FARS2: variants seen among roughly 807,000 people sequenced by gnomAD.
FARS2 encodes the protein phenylalanine--tRNA ligase, mitochondrial.
Under a neutral mutation model 46.4 loss-of-function variants are expected in FARS2, and 40 were observed. The ratio of observed to expected loss-of-function variants is 0.86; its 90% CI spans 0.67 to 1.12. The LOEUF (loss-of-function observed/expected upper bound fraction) is 1.12. Ranked by LOEUF, FARS2 falls within the 50% of genes most tolerant of loss-of-function variation. The probability of loss-of-function intolerance (pLI) is 0.00; values close to 1 mark genes in which losing one functional copy is unlikely to be tolerated. For missense variants in FARS2, 513 were observed against 567.9 expected, an observed-to-expected ratio of 0.90 and a Z score of 0.98; for synonymous variants, 234 against 214.9, an observed-to-expected ratio of 1.09 and a Z score of -0.78.
At chr6:5,539,384 G>GTGTGTATATATATATATATA in intron 4 of FARS2, among the ~76,000 whole-genome samples, 46 of 79,574 alleles carry the variant, frequency 5.8e-4, no homozygotes, top group East Asian at 1.8e-3. Context: ...TTTTTTTTGT[G>GTGTGTATATATATATATATA]TATATATATA....
At chr6:5,545,408 T>A in intron 5 of FARS2, 68 bp downstream of exon 5, 1 of 1,188,806 alleles carries the variant, frequency 8.4e-7, no homozygotes, top group Non-Finnish European at 1.2e-6. Flanking sequence ...CAGGATCATG[T>A]ACTTGAAAGC....
At chr6:5,669,440 T>G (rs1778337131) in intron 6 of FARS2, among the ~76,000 whole-genome samples, 1 of 150,182 alleles carries the variant, frequency 6.7e-6, no homozygotes, top group Non-Finnish European at 1.5e-5. Context: ...CACCAAGGGT[T>G]AGTGTGCCTC....
chr6:5,296,236 G>A (rs1334608010), intron 1 of FARS2, among the ~76,000 whole-genome samples: 1 of 141,628 alleles, frequency 7.1e-6, no homozygotes, highest in Non-Finnish European at 1.5e-5. Context: ...CCGCCTCCCG[G>A]GTTCACACCA....
At chr6:5,492,976 A>G (rs937804618) in intron 4 of FARS2, among the ~76,000 whole-genome samples, 4 of 152,154 alleles carry the variant, frequency 2.6e-5, no homozygotes, top group Non-Finnish European at 4.4e-5. Context: ...TATGGTCTCC[A>G]TGGCTCACAG....
At chr6:5,694,604 G>A (rs550274714) in intron 6 of FARS2, among the ~76,000 whole-genome samples, 3 of 152,182 alleles carry the variant, frequency 2.0e-5, no homozygotes, top group African/African-American at 7.2e-5. Context: ...TGAATATTCA[G>A]CACGACCTTC....
At chr6:5,493,209 C>CAAA (rs34541325) in intron 4 of FARS2, among the ~76,000 whole-genome samples, 7 of 92,866 alleles carry the variant, frequency 7.5e-5, no homozygotes, top group Non-Finnish European at 1.3e-4. Flanking sequence ...GACTGTGTCT[C>CAAA]AAAAAAAAAA....
intron 4 of FARS2, among the ~76,000 whole-genome samples, chr6:5,447,264 C>G (rs571433635): frequency 9.2e-5 from 14 of 152,226 alleles, no homozygotes; most frequent in African/African-American, 3.4e-4. Context: ...AGATTGTGTG[C>G]CTTTTAAGAG....
intron 6 of FARS2, among the ~76,000 whole-genome samples, chr6:5,760,362 T>C (rs1392993679): frequency 2.0e-5 from 3 of 152,172 alleles, no homozygotes; most frequent in African/African-American, 7.2e-5. Flanking sequence ...CTGCCTATCT[T>C]TTCTGACCTC....
At chr6:5,686,350 C>CG (rs1561799506) in intron 6 of FARS2, among the ~76,000 whole-genome samples, 2 of 148,386 alleles carry the variant, frequency 1.3e-5, no homozygotes, top group African/African-American at 5.3e-5. Flanking sequence ...TCTCCCCCCC[C>CG]GCTGCCCACA....
intron 6 of FARS2, among the ~76,000 whole-genome samples, chr6:5,762,688 G>A (rs2150980199): frequency 6.6e-6 from 1 of 152,382 alleles, no homozygotes; most frequent in Non-Finnish European, 1.5e-5. Flanking sequence ...GCCCGGCGGG[G>A]GAGGCCCTCT....
chr6:5,289,361 C>T (rs929585031), intron 1 of FARS2, among the ~76,000 whole-genome samples: 9 of 152,064 alleles, frequency 5.9e-5, no homozygotes, highest in African/African-American at 1.9e-4. Context: ...TTAGACAAAA[C>T]GCACAAACAA....
At chr6:5,373,545 CAA>C (rs1324933345) in intron 2 of FARS2, among the ~76,000 whole-genome samples, 2 of 152,050 alleles carry the variant, frequency 1.3e-5, no homozygotes, top group African/African-American at 2.4e-5. Flanking sequence ...ATAGAGGACT[CAA>C]GAGTAAGTAC....
the FARS2 span, among the ~76,000 whole-genome samples, chr6:5,254,175 G>C: frequency 1.3e-5 from 2 of 152,336 alleles, no homozygotes; most frequent in South Asian, 4.1e-4. Context: ...CGGCCCAACT[G>C]TCTCCATAAT....
chr6:5,573,937 A>G (rs186554047), intron 5 of FARS2, among the ~76,000 whole-genome samples: 3 of 152,316 alleles, frequency 2.0e-5, no homozygotes, highest in East Asian at 3.9e-4. Context: ...TGTATTTTCT[A>G]TGGTCTGTGA....
At chr6:5,444,484 A>T (rs1260748515) in intron 4 of FARS2, among the ~76,000 whole-genome samples, 1 of 93,620 alleles carries the variant, frequency 1.1e-5, no homozygotes, top group Admixed American at 1.0e-4. Context: ...AAAAAAAAAA[A>T]AAAAAAAAAG....
chr6:5,454,531 A>T (rs747073162), intron 4 of FARS2, among the ~76,000 whole-genome samples: 15 of 151,736 alleles, frequency 9.9e-5, no homozygotes, highest in Non-Finnish European at 1.8e-4. Context: ...TTTTTAGTAG[A>T]TATGGGGTTT....
In FARS2 at chr6:5,733,081, G is replaced by A. The variant is rs1363353490; in HGVS notation, c.1218-38210G>A. Reference sequence around the variant, plus strand: ...CCCTTTTCCCAGAAAGAGGTTTTGTGTGATTTTAACTTATTTGCAGATAAT... The same window carrying A: ...CCCTTTTCCCAGAAAGAGGTTTTGTATGATTTTAACTTATTTGCAGATAAT... On this transcript the variant is annotated intron_variant, in intron 6 of 6. Coordinates refer to ENST00000274680, the MANE Select transcript of FARS2 (RefSeq NM_006567.5). Among the ~76,000 whole-genome samples the A allele has an allele frequency of 4.6e-5, 7 of 152,190 alleles. No homozygotes were observed. In the East Asian group the frequency reaches 1.3e-3, roughly 29 times the overall value.
intron 3 of FARS2, among the ~76,000 whole-genome samples, chr6:5,425,594 G>C (rs1280961706): frequency 6.6e-6 from 1 of 152,170 alleles, no homozygotes; most frequent in East Asian, 1.9e-4. Context: ...GGTACACAGA[G>C]CAGGCGAGGT....
At position 5,501,696 on chromosome 6, in the gene FARS2, C is replaced by T. The variant is rs144078332; in HGVS notation, c.905-43484C>T. On this transcript the variant is annotated intron_variant, in intron 4 of 6. Coordinates refer to ENST00000274680, the MANE Select transcript of FARS2 (RefSeq NM_006567.5). ...TTTTAGTAGAGATGGGGTTTTGCCACGTTGGCCAGGCTGATCTTGAACTTC... is the reference window on the plus strand; with the variant it reads ...TTTTAGTAGAGATGGGGTTTTGCCATGTTGGCCAGGCTGATCTTGAACTTC... Among the ~76,000 whole-genome samples the T allele has an allele frequency of 4.4e-3, 662 of 152,066 alleles. 13 individuals are homozygous for T. Among genetic ancestry groups the T allele is most frequent in the Admixed American group, 0.038 (576 of 15,260 alleles).
Sources: allele counts gnomAD v4.1 joint callset (sites outside exome capture counted in the v4.1 genomes callset), GRCh38; gene constraint gnomAD v4.1.1; transcripts MANE v1.5; gene names NCBI Gene and HGNC (gene_info 2026-07-23, HGNC 2026-07-21).